SAMTOR: variants seen among roughly 807,000 people sequenced by gnomAD.
The protein encoded by SAMTOR is S-adenosylmethionine sensor upstream of mTORC1.
the SAMTOR span, chr7:112,832,634 C>T: frequency 6.2e-7 from 1 of 1,613,280 alleles, no homozygotes; most frequent in Non-Finnish European, 8.5e-7. Flanking sequence ...AAAGCAGCTG[C>T]CAACATCAAG....
the SAMTOR span, among the ~76,000 whole-genome samples, chr7:112,863,865 G>T: frequency 6.6e-6 from 1 of 152,074 alleles, no homozygotes; most frequent in Non-Finnish European, 1.5e-5. Context: ...ATTCCTCAAT[G>T]AACAAAAGAA....
At chr7:112,922,515 G>A in the SAMTOR span, among the ~76,000 whole-genome samples, 5 of 151,254 alleles carry the variant, frequency 3.3e-5, no homozygotes, top group South Asian at 2.1e-4. Flanking sequence ...AGTGAGGAGC[G>A]CCTCTTCCCG....
At chr7:112,863,601 C>A in the SAMTOR span, among the ~76,000 whole-genome samples, 2 of 152,086 alleles carry the variant, frequency 1.3e-5, no homozygotes, top group African/African-American at 4.8e-5. Context: ...AAAAACAACT[C>A]CATTAAAAAG....
chr7:112,859,807 CAA>C, the SAMTOR span, among the ~76,000 whole-genome samples: 2 of 151,902 alleles, frequency 1.3e-5, no homozygotes, highest in Admixed American at 6.6e-5. Context: ...GCAAAGGAGT[CAA>C]AAAGTTAAAA....
the SAMTOR span, among the ~76,000 whole-genome samples, chr7:112,876,174 G>A: frequency 6.6e-6 from 1 of 151,974 alleles, no homozygotes; most frequent in African/African-American, 2.4e-5. Context: ...TGTCCTAGCT[G>A]GTCTCAAACT....
At chr7:112,859,372 C>G in the SAMTOR span, among the ~76,000 whole-genome samples, 1 of 152,034 alleles carries the variant, frequency 6.6e-6, no homozygotes, top group Non-Finnish European at 1.5e-5. Context: ...CTAACATTTG[C>G]GGAGTTGCTG....
the SAMTOR span, among the ~76,000 whole-genome samples, chr7:112,902,040 A>T: frequency 1.3e-5 from 2 of 152,302 alleles, no homozygotes; most frequent in Middle Eastern, 6.8e-3. Flanking sequence ...AATCAGAAAA[A>T]GCTACAAACT....
At chr7:112,922,086 C>T in the SAMTOR span, among the ~76,000 whole-genome samples, 2 of 152,104 alleles carry the variant, frequency 1.3e-5, no homozygotes, top group Non-Finnish European at 2.9e-5. Context: ...CTGCCGAGTG[C>T]CTGCGATTAC....
chr7:112,869,198 A>G, the SAMTOR span, among the ~76,000 whole-genome samples: 1 of 152,282 alleles, frequency 6.6e-6, no homozygotes, highest in East Asian at 1.9e-4. Flanking sequence ...TCATTAGTGC[A>G]CTGGGACGAA....
chr7:112,901,557 T>C, the SAMTOR span, among the ~76,000 whole-genome samples: 1 of 152,194 alleles, frequency 6.6e-6, no homozygotes, highest in Admixed American at 6.5e-5. Context: ...ACAATAAATG[T>C]AATGCACTTG....
At chr7:112,848,064 G>A in the SAMTOR span, among the ~76,000 whole-genome samples, 1 of 152,060 alleles carries the variant, frequency 6.6e-6, no homozygotes, top group Non-Finnish European at 1.5e-5. Context: ...GAGGTGGGAG[G>A]ATCGCTTGAG....
chr7:112,939,484 C>A, the SAMTOR span: 2 of 1,535,840 alleles, frequency 1.3e-6, no homozygotes, highest in South Asian at 1.2e-5. Flanking sequence ...GGGGGACGTG[C>A]AGATCCTTTA....
At chr7:112,841,232 C>G in the SAMTOR span, among the ~76,000 whole-genome samples, 1,641 of 152,090 alleles carry the variant, frequency 0.011, 30 homozygotes, top group African/African-American at 0.037. Flanking sequence ...CTTCAGCAAA[C>G]TCTCAGGATA....
chr7:112,855,804 C>T, the SAMTOR span, among the ~76,000 whole-genome samples: 9 of 151,892 alleles, frequency 5.9e-5, no homozygotes, highest in South Asian at 6.2e-4. Context: ...AAAATCATTT[C>T]GGCAGTACCT....
chr7:112,928,140 T>TA, the SAMTOR span, among the ~76,000 whole-genome samples: 1 of 152,016 alleles, frequency 6.6e-6, no homozygotes, highest in Non-Finnish European at 1.5e-5. Context: ...ACTGCCTTTG[T>TA]AAAAAAACAA....
the SAMTOR span, among the ~76,000 whole-genome samples, chr7:112,863,301 C>T: frequency 6.6e-6 from 1 of 152,140 alleles, no homozygotes; most frequent in Non-Finnish European, 1.5e-5. Context: ...GGATTAAAGA[C>T]TTACAGATAC....
At chr7:112,856,010 C>G in the SAMTOR span, among the ~76,000 whole-genome samples, 1 of 151,962 alleles carries the variant, frequency 6.6e-6, no homozygotes, top group African/African-American at 2.4e-5. Flanking sequence ...AATACTGAGA[C>G]TTAAGTGTTT....
the SAMTOR span, chr7:112,832,534 A>G: frequency 2.4e-6 from 3 of 1,270,504 alleles, no homozygotes; most frequent in Non-Finnish European, 2.3e-6. Flanking sequence ...GTAAAATATT[A>G]AAGTCCAAAA....
At chr7:112,923,432 C>A in the SAMTOR span, among the ~76,000 whole-genome samples, 1 of 151,868 alleles carries the variant, frequency 6.6e-6, no homozygotes, top group Non-Finnish European at 1.5e-5. Context: ...TCCTATGACC[C>A]TGCCAAATCC....
Sources: gnomAD v4.1 joint callset for allele counts (sites outside exome capture counted in the v4.1 genomes callset) on GRCh38, gnomAD v4.1.1 for gene constraint, MANE v1.5 for transcripts, NCBI Gene and HGNC (gene_info 2026-07-23, HGNC 2026-07-21) for gene names.